Variants in BIRC6 observed in about 807,000 individuals in gnomAD.
BIRC6 encodes the protein dual E2 ubiquitin-conjugating enzyme/E3 ubiquitin-protein ligase BIRC6.
In BIRC6, 98 loss-of-function variants were observed where a neutral mutation model predicts 503.3. That is an observed-to-expected ratio of 0.19 (90% CI 0.17 to 0.23). BIRC6 has a LOEUF of 0.23. Ranked by LOEUF, BIRC6 falls within the 10% of genes least tolerant of loss-of-function variation. BIRC6 has a pLI of 1.00. For missense variants in BIRC6, 5,360 were observed against 5,806.0 expected, an observed-to-expected ratio of 0.92 and a Z score of 2.50; for synonymous variants, 2,240 against 2,078.7, an observed-to-expected ratio of 1.08 and a Z score of -2.11.
At chr2:32,421,557 A>G (rs891579268) in intron 10 of BIRC6, among the ~76,000 whole-genome samples, 1 of 152,162 alleles carries the variant, frequency 6.6e-6, no homozygotes, top group African/African-American at 2.4e-5. Flanking sequence ...GGATCAAAAT[A>G]TGTTCTAATT....
chr2:32,491,573 A>G lies in BIRC6; in HGVS notation c.8340+15A>G. The G allele has an allele frequency of 6.2e-7, 1 of 1,611,366 alleles. No homozygotes were observed. Among genetic ancestry groups the G allele is most frequent in the Non-Finnish European group, 8.5e-7 (1 of 1,178,872 alleles). On this transcript the variant is annotated intron_variant, in intron 44 of 73. Transcript: ENST00000421745. ...ACAGTCCACAGGTAATATGATGTTT[A>G]GCCTGGCATATGCCCAGACTATTCA...
chr2:32,551,408 G>C (rs952861688), intron 65 of BIRC6, among the ~76,000 whole-genome samples: 5 of 152,046 alleles, frequency 3.3e-5, no homozygotes, highest in Non-Finnish European at 5.9e-5. Flanking sequence ...TCAGCCTCCT[G>C]AGTAGGTGGG....
At chr2:32,460,050 C>T (rs534718516) in intron 23 of BIRC6, among the ~76,000 whole-genome samples, 1 of 143,628 alleles carries the variant, frequency 7.0e-6, no homozygotes, top group East Asian at 2.2e-4. Flanking sequence ...GTCGTTTTTT[C>T]CTTGTGTTAT....
At chr2:32,426,288 T>A (rs1243195901) in intron 10 of BIRC6, among the ~76,000 whole-genome samples, 3 of 152,370 alleles carry the variant, frequency 2.0e-5, no homozygotes, top group African/African-American at 7.2e-5. Context: ...ACCCCATACA[T>A]TACATTTAAG....
At chr2:32,382,740 T>C (rs2037858454) in intron 3 of BIRC6, among the ~76,000 whole-genome samples, 1 of 152,228 alleles carries the variant, frequency 6.6e-6, no homozygotes, top group South Asian at 2.1e-4. Flanking sequence ...TTTTTATTTT[T>C]GGAGATGGGG....
rs776568064 is a variant in BIRC6 at position 32,444,031 on chromosome 2, GT to G, written c.4336+461del. ...TGGAATTTCCTAAAAGGGACCAGTG[GT>G]TTTTTTTTTTTTTTTTTAAAGCACC... is the stretch of plus-strand genomic sequence containing the variant. On this transcript the variant is annotated intron_variant, in intron 20 of 73. Coordinates refer to ENST00000421745, the MANE Select transcript of BIRC6 (RefSeq NM_016252.4). 8.9e-3 allele frequency among the ~76,000 whole-genome samples: 1,213 copies of G among 136,750 alleles called. 11 individuals carry two copies. The highest frequency in any genetic ancestry group is 0.017 in the African/African-American group (599 of 36,226). 89.7% of individuals were successfully genotyped at this position (136,750 alleles called of 152,430 possible).
At chr2:32,561,387 G>A (rs1200127034) in intron 65 of BIRC6, among the ~76,000 whole-genome samples, 2 of 151,820 alleles carry the variant, frequency 1.3e-5, no homozygotes, top group Non-Finnish European at 2.9e-5. Flanking sequence ...GTCTACAGGC[G>A]TGTCAGCACG....
At position 32,559,737 on chromosome 2, in the gene BIRC6, T is replaced by A. The variant is rs867067859; in HGVS notation, c.13144+10256T>A. On this transcript the variant is annotated intron_variant, in intron 65 of 73. Transcript: ENST00000421745. ...AAAATCTTTAAAAAAAAAAAAAAAA[T>A]AAGGCCGGCACAGTGGCTCACACCT... 2.2e-3 allele frequency among the ~76,000 whole-genome samples: 322 copies of A among 143,670 alleles called. 3 individuals carry two copies. Among genetic ancestry groups the A allele is most frequent in the African/African-American group, 7.7e-3 (291 of 37,570 alleles). 94.3% of individuals were successfully genotyped at this position (143,670 alleles called of 152,430 possible). A position where few individuals can be genotyped will look rare whatever the true frequency, so the allele number is the denominator to read the frequency against.
At position 32,357,539 on chromosome 2, in the gene BIRC6, GC is replaced by G; in HGVS notation, c.325+57del. On this transcript the variant is annotated intron_variant, in intron 1 of 73. Transcript: ENST00000421745. The surrounding 1 kb of genome is among the most constrained non-coding windows in gnomAD (Gnocchi z 4.9). ...CGAAGCCGGGGAAAGAAGCCGTCCAGCCCCGGGGCTCGGCCTCGCGACTCGG... is the reference window on the plus strand; with the variant it reads ...CGAAGCCGGGGAAAGAAGCCGTCCAGCCCGGGGCTCGGCCTCGCGACTCGG... The G allele has an allele frequency of 1.3e-6, 2 of 1,515,328 alleles. No homozygotes were observed. Among genetic ancestry groups the G allele is most frequent in the Non-Finnish European group, 1.8e-6 (2 of 1,134,184 alleles). 93.9% of individuals were successfully genotyped at this position (1,515,328 alleles called of 1,614,324 possible).
At position 32,575,211 on chromosome 2, in the gene BIRC6, G is replaced by T. The variant is rs761019146; in HGVS notation, c.13200G>T (p.Arg4400=). The T allele has an allele frequency of 4.3e-6, 7 of 1,613,914 alleles. No homozygotes were observed. In the East Asian group the frequency reaches 1.3e-4, roughly 31 times the overall value. ...PLYRALLELL[R]AIASCAAMVP... is the part of the protein sequence containing the mutation. ...ATCGGGCACTGCTGGAATTGCTTCGGGCCATTGCTTCTTGTGCTGCCATGG... is the reference window on the plus strand; with the variant it reads ...ATCGGGCACTGCTGGAATTGCTTCGTGCCATTGCTTCTTGTGCTGCCATGG... Residue 4400 remains arginine (R), a synonymous_variant, in exon 66 of 74, where the codon CGG becomes CGT. Transcript: ENST00000421745.
At chr2:32,360,717 G>A (rs116727307) in intron 1 of BIRC6, among the ~76,000 whole-genome samples, 1 of 152,068 alleles carries the variant, frequency 6.6e-6, no homozygotes, top group Admixed American at 6.6e-5. Flanking sequence ...AATCTGGCAG[G>A]TTAGTATTTT....
chr2:32,453,772 T>C (rs769766613), intron 22 of BIRC6, 36 bp from the exon 23 acceptor site: 5 of 1,599,020 alleles, frequency 3.1e-6, no homozygotes, highest in Non-Finnish European at 4.3e-6. Flanking sequence ...TTAAAAATTA[T>C]CTTCACGTGT....
chr2:32,469,703 A>T, intron 30 of BIRC6, 89 bp downstream of exon 30: 1 of 1,189,750 alleles, frequency 8.4e-7, no homozygotes, highest in Non-Finnish European at 1.2e-6. Flanking sequence ...TGAAATGTGG[A>T]TACTAAGTTG....
At chr2:32,443,385 C>T (rs771171912) in intron 19 of BIRC6, 106 bp from the exon 20 acceptor site, 61 of 680,868 alleles carry the variant, frequency 9.0e-5, no homozygotes, top group African/African-American at 1.3e-4. Context: ...TTCTTTTAAT[C>T]GGTATAGAAT....
chr2:32,475,521 G>A (rs2049651569), intron 33 of BIRC6, among the ~76,000 whole-genome samples: 1 of 152,046 alleles, frequency 6.6e-6, no homozygotes, highest in South Asian at 2.1e-4. Context: ...TGACTGTTGT[G>A]GATACATGAA....
At chr2:32,513,920 A>T (rs2054715777) in intron 54 of BIRC6, among the ~76,000 whole-genome samples, 1 of 152,098 alleles carries the variant, frequency 6.6e-6, no homozygotes, top group Admixed American at 6.6e-5. Flanking sequence ...AAAAAAAAAA[A>T]GTCAGCCGGA....
At position 32,586,423 on chromosome 2, in the gene BIRC6, CTTTTTTTTTT is replaced by C. The variant is rs972959083; in HGVS notation, c.13356-7474_13356-7465del. ...ATCTCAGACAAAATCTCAAGCAGTC[CTTTTTTTTTT>C]TTTTTTTTTTTTTTTTTGAGACAGG... On this transcript the variant is annotated intron_variant, in intron 66 of 73. Transcript: ENST00000421745. 7.0e-5 allele frequency among the ~76,000 whole-genome samples: 5 copies of C among 70,980 alleles called. No homozygotes were observed. In the South Asian group the frequency reaches 1.3e-3, roughly 19 times the overall value. 46.6% of individuals were successfully genotyped at this position (70,980 alleles called of 152,430 possible). A position where few individuals can be genotyped will look rare whatever the true frequency, so the allele number is the denominator to read the frequency against.
In BIRC6 at chr2:32,591,868, G is replaced by C. The variant is rs367742176; in HGVS notation, c.13356-2047G>C. Among the ~76,000 whole-genome samples, 8 of 152,308 alleles carry C rather than the reference G, an allele frequency of 5.3e-5. No homozygotes were observed. In the East Asian group the frequency reaches 1.4e-3, roughly 26 times the overall value. On this transcript the variant is annotated intron_variant, in intron 66 of 73. Coordinates refer to ENST00000421745, the MANE Select transcript of BIRC6 (RefSeq NM_016252.4). ...GAGTAAGAGTCTTTGTAAATTCAAA[G>C]TGGGTACTGTCAAGCAGCTTATGCA...
intron 44 of BIRC6, 64 bp downstream of exon 44, chr2:32,491,622 G>A (rs966989666): frequency 6.7e-7 from 1 of 1,498,782 alleles, no homozygotes; most frequent in African/African-American, 1.4e-5. Context: ...GTAATGTAAA[G>A]CTATGTAACT....
Sources: gnomAD v4.1 joint callset for allele counts (sites outside exome capture counted in the v4.1 genomes callset) on GRCh38, gnomAD v4.1.1 for gene constraint, Gnocchi (gnomAD v3.1) non-coding constraint, MANE v1.5 for transcripts, NCBI Gene and HGNC (gene_info 2026-07-23, HGNC 2026-07-21) for gene names.